NPFFR2: variants seen among roughly 807,000 people sequenced by gnomAD.
NPFFR2 encodes the protein G-protein coupled receptor 74.
NPFFR2 carries 15 observed loss-of-function variants against 13.1 expected under a neutral mutation model. The ratio of observed to expected loss-of-function variants is 1.15; its 90% CI spans 0.77 to 1.76. The LOEUF is 1.76. Ranked by LOEUF, NPFFR2 falls within the 40% of genes most tolerant of loss-of-function variation. NPFFR2 has a pLI of 0.00. For synonymous variants in NPFFR2, 190 were observed against 175.7 expected (o/e 1.08, Z -0.65); for missense variants, 572 against 503.5 (o/e 1.14, Z -1.30).
At chr4:72,108,652 CATATT>C (rs1465310219) in intron 1 of NPFFR2, among the ~76,000 whole-genome samples, 1 of 151,874 alleles carries the variant, frequency 6.6e-6, no homozygotes, top group Non-Finnish European at 1.5e-5. Flanking sequence ...TATTTTTATG[CATATT>C]ATATTTTATA....
intron 1 of NPFFR2, among the ~76,000 whole-genome samples, chr4:72,119,329 C>G (rs1048877786): frequency 1.3e-5 from 2 of 152,038 alleles, no homozygotes; most frequent in Non-Finnish European, 2.9e-5. Context: ...ACTAACACAG[C>G]AGATACAATA....
chr4:72,082,889 C>T (rs1291039659), intron 1 of NPFFR2, among the ~76,000 whole-genome samples: 1 of 151,998 alleles, frequency 6.6e-6, no homozygotes, highest in East Asian at 1.9e-4. Context: ...TTATATTCCA[C>T]ATATAATTGC....
At position 72,147,843 on chromosome 4, in the gene NPFFR2, T is replaced by C; in HGVS notation, c.*31T>C. The C allele has an allele frequency of 1.4e-6, 2 of 1,411,824 alleles. No homozygotes were observed. The highest frequency in any genetic ancestry group is 1.9e-6 in the Non-Finnish European group (2 of 1,045,094). The allele number at this position is 1,411,824 out of a possible 1,614,324, so 87.5% of individuals were successfully genotyped here. A position where few individuals can be genotyped will look rare whatever the true frequency, so the allele number is the denominator to read the frequency against. ...GCTAGTGTGATAATCCTAACTCTAC[T>C]ACGCATTATATATTTAAATCCATTG... On this transcript the variant is annotated 3_prime_UTR_variant, in exon 4 of 4. Coordinates refer to ENST00000308744, the MANE Select transcript of NPFFR2 (RefSeq NM_004885.3).
rs541601479 is a variant in NPFFR2, at chr4:72,057,985, A to G, written c.-8+25785A>G. Among the ~76,000 whole-genome samples, 3 of 152,172 alleles carry G rather than the reference A, an allele frequency of 2.0e-5. No individual in the cohort carries two copies. The Middle Eastern group carries it at 0.01, about 518-fold the overall frequency. ...GCATTCTGATACTTCCAGAAACCTC[A>G]AAGTTATGAAAGACAGGAAGAGAGG... is the stretch of plus-strand genomic sequence containing the variant. On this transcript the variant is annotated intron_variant, in intron 1 of 3. Coordinates refer to ENST00000308744, the MANE Select transcript of NPFFR2 (RefSeq NM_004885.3).
In NPFFR2 at chr4:72,147,564, A is replaced by C. The variant is rs369247696; in HGVS notation, c.1015A>C (p.Asn339His). ...CATCATTTATGGTTTCTTCAACGAG[A>C]ATTTCCGCCGTGGTTTCCAAGAAGC... ...NPIIYGFFNE[N>H]FRRGFQEAFQ... The change falls in exon 4 of 4, where the codon AAT (asparagine) becomes CAT (histidine). Residue 339 changes from asparagine (N) to histidine (H), a missense_variant. Coordinates refer to ENST00000308744, the MANE Select transcript of NPFFR2 (RefSeq NM_004885.3). The C allele has an allele frequency of 1.2e-6, 2 of 1,614,158 alleles. No individual in the cohort carries two copies. The highest frequency in any genetic ancestry group is 4.5e-5 in the East Asian group (2 of 44,868).
Position 72,032,476 on chromosome 4 carries a change from G to T in NPFFR2, c.-8+276G>T, listed in dbSNP as rs537094351. Reference sequence around the variant, plus strand: ...TGTGGGGCGCTTTCTTCACCTTAAAGTTCCCCCCAAGCCCTCTCCGGGGCT... The same window carrying T: ...TGTGGGGCGCTTTCTTCACCTTAAATTTCCCCCCAAGCCCTCTCCGGGGCT... On this transcript the variant is annotated intron_variant, in intron 1 of 3. Coordinates refer to ENST00000308744, the MANE Select transcript of NPFFR2 (RefSeq NM_004885.3). 3.3e-5 allele frequency among the ~76,000 whole-genome samples: 5 copies of T among 152,308 alleles called. No individual in the cohort carries two copies. In the South Asian group the frequency reaches 1.0e-3, roughly 32 times the overall value.
At chr4:72,132,403 G>T (rs953415641) in intron 2 of NPFFR2, among the ~76,000 whole-genome samples, 1 of 152,104 alleles carries the variant, frequency 6.6e-6, no homozygotes, top group African/African-American at 2.4e-5. Context: ...TACCATTGAT[G>T]GGTATTTAGA....
intron 1 of NPFFR2, among the ~76,000 whole-genome samples, chr4:72,128,216 C>A (rs1722125388): frequency 6.6e-6 from 1 of 151,502 alleles, no homozygotes; most frequent in South Asian, 2.1e-4. Flanking sequence ...TGTGAGTTAG[C>A]TTTAAATTAA....
chr4:72,050,128 T>C (rs1719499689), intron 1 of NPFFR2, among the ~76,000 whole-genome samples: 1 of 152,026 alleles, frequency 6.6e-6, no homozygotes, highest in South Asian at 2.1e-4. Context: ...AATATCCTAA[T>C]CCTTCATGAA....
chr4:72,080,292 G>A lies in NPFFR2; in HGVS notation c.-8+48092G>A, dbSNP rs144444955. Among the ~76,000 whole-genome samples the A allele has an allele frequency of 1.9e-3, 288 of 152,090 alleles. 1 individual carries two copies. Among genetic ancestry groups the A allele is most frequent in the African/African-American group, 6.7e-3 (279 of 41,496 alleles). ...AAATTCTCCTGCCTCAGTCTCCTGA[G>A]TACCTGGGATTAGAGGTGCTCACCA... On this transcript the variant is annotated intron_variant, in intron 1 of 3. Transcript: ENST00000308744.
intron 1 of NPFFR2, among the ~76,000 whole-genome samples, chr4:72,067,036 A>G (rs1720091441): frequency 1.4e-5 from 1 of 73,986 alleles, no homozygotes; most frequent in Non-Finnish European, 3.3e-5. Flanking sequence ...GCCTTATTCA[A>G]CACATGAGCA....
At chr4:72,087,300 G>T (rs1241529529) in intron 1 of NPFFR2, among the ~76,000 whole-genome samples, 1 of 152,078 alleles carries the variant, frequency 6.6e-6, no homozygotes, top group African/African-American at 2.4e-5. Context: ...TAAAAGCCTG[G>T]TTGTTTAACA....
intron 1 of NPFFR2, among the ~76,000 whole-genome samples, chr4:72,033,906 TGTGTGTGTGTGC>T (rs1455384025): frequency 6.6e-6 from 1 of 152,178 alleles, no homozygotes; most frequent in Non-Finnish European, 1.5e-5. Context: ...CGGCTCTGTG[TGTGTGTGTGTGC>T]ATGTGTGTGA....
intron 1 of NPFFR2, among the ~76,000 whole-genome samples, chr4:72,088,924 T>A (rs879937477): frequency 6.6e-6 from 1 of 152,010 alleles, no homozygotes; most frequent in Non-Finnish European, 1.5e-5. Flanking sequence ...TTTGGTGCAC[T>A]CATCACTTGA....
At chr4:72,083,983 A>G (rs1720701173) in intron 1 of NPFFR2, among the ~76,000 whole-genome samples, 2 of 152,104 alleles carry the variant, frequency 1.3e-5, no homozygotes, top group Admixed American at 6.6e-5. Flanking sequence ...AGTCAACACT[A>G]CCACCACCAA....
intron 1 of NPFFR2, among the ~76,000 whole-genome samples, chr4:72,101,489 T>C (rs945212414): frequency 4.0e-5 from 6 of 151,434 alleles, no homozygotes; most frequent in Non-Finnish European, 7.4e-5. Flanking sequence ...AAATATGTTA[T>C]ATATAATAGA....
At chr4:72,045,620 C>G (rs572102778) in intron 1 of NPFFR2, among the ~76,000 whole-genome samples, 11 of 152,278 alleles carry the variant, frequency 7.2e-5, no homozygotes, top group African/African-American at 2.6e-4. Flanking sequence ...GTAGCTTAGC[C>G]TAGCCTACCA....
At position 72,086,902 on chromosome 4, in the gene NPFFR2, T is replaced by C. The variant is rs952096057; in HGVS notation, c.-7-41683T>C. Among the ~76,000 whole-genome samples the C allele has an allele frequency of 2.6e-5, 4 of 152,098 alleles. No homozygotes were observed. In the South Asian group the frequency reaches 8.3e-4, roughly 31 times the overall value. ...CACAAAAATATATTTCCTAGATTAC[T>C]GAACTGTTGATAAACTATGATATGC... On this transcript the variant is annotated intron_variant, in intron 1 of 3. Coordinates refer to ENST00000308744, the MANE Select transcript of NPFFR2 (RefSeq NM_004885.3).
chr4:72,125,288 A>C (rs1722007141), intron 1 of NPFFR2, among the ~76,000 whole-genome samples: 1 of 152,242 alleles, frequency 6.6e-6, no homozygotes, highest in African/African-American at 2.4e-5. Flanking sequence ...CAGATGCTGG[A>C]GAACATGTGG....
Sources: gnomAD v4.1 joint callset for allele counts (sites outside exome capture counted in the v4.1 genomes callset) on GRCh38, gnomAD v4.1.1 for gene constraint, MANE v1.5 for transcripts, NCBI Gene and HGNC (gene_info 2026-07-23, HGNC 2026-07-21) for gene names.